Variants in KIAA1143 observed in about 807,000 individuals in gnomAD.
KIAA1143 encodes KIAA1143.
In KIAA1143, 8 loss-of-function variants were observed where a neutral mutation model predicts 17.0. The ratio of observed to expected loss-of-function variants is 0.47; its 90% CI spans 0.28 to 0.85. The LOEUF (loss-of-function observed/expected upper bound fraction) is 0.85, where lower values mean the gene tolerates loss of function less well. KIAA1143 is among the 40% of genes least tolerant of loss of function. KIAA1143 has a pLI of 0.12. For missense variants in KIAA1143, 162 were observed against 183.3 expected, an observed-to-expected ratio of 0.88 and a Z score of 0.67; for synonymous variants, 64 against 67.8, an observed-to-expected ratio of 0.94 and a Z score of 0.27.
intron 1 of KIAA1143, among the ~76,000 whole-genome samples, chr3:44,758,176 C>A (rs187294044): frequency 3.2e-4 from 49 of 152,282 alleles, no homozygotes; most frequent in African/African-American, 1.1e-3. Context: ...GAGTCCTAAT[C>A]TTTTTGCCAG....
intron 1 of KIAA1143, among the ~76,000 whole-genome samples, chr3:44,757,746 T>C (rs1018287713): frequency 2.6e-5 from 4 of 152,202 alleles, no homozygotes; most frequent in African/African-American, 9.7e-5. Context: ...GGAGAGATGG[T>C]AACTTGTGAA....
chr3:44,759,638 T>TTTTGAGAGGC (rs1470190440), intron 1 of KIAA1143, among the ~76,000 whole-genome samples: 1 of 152,022 alleles, frequency 6.6e-6, no homozygotes, highest in South Asian at 2.1e-4. Context: ...GCATAGTGGT[T>TTTTGAGAGGC]TTTGAGAGGC....
chr3:44,760,123 CAT>C (rs925642325), intron 1 of KIAA1143, among the ~76,000 whole-genome samples: 25 of 152,312 alleles, frequency 1.6e-4, no homozygotes, highest in African/African-American at 5.3e-4. Context: ...AGCTTTCTCA[CAT>C]GTCTCAGACT....
At chr3:44,760,298 G>A (rs919735050) in intron 1 of KIAA1143, among the ~76,000 whole-genome samples, 17 of 152,126 alleles carry the variant, frequency 1.1e-4, no homozygotes, top group Non-Finnish European at 2.2e-4. Context: ...TGATCCCTCC[G>A]GCCCTAGACA....
At chr3:44,760,146 TAA>T (rs1306254845) in intron 1 of KIAA1143, among the ~76,000 whole-genome samples, 1 of 152,212 alleles carries the variant, frequency 6.6e-6, no homozygotes, top group Non-Finnish European at 1.5e-5. Context: ...TCACAGGATT[TAA>T]GAGTTAGGGC....
intron 1 of KIAA1143, among the ~76,000 whole-genome samples, chr3:44,757,700 G>A (rs1005111927): frequency 4.6e-5 from 7 of 152,230 alleles, no homozygotes; most frequent in Non-Finnish European, 8.8e-5. Context: ...GAGAAAAACA[G>A]AAAGAGTAAC....
rs1330120094 is a variant in KIAA1143 at position 44,752,435 on chromosome 3, G to A, written c.*906C>T. 3 of 152,102 alleles carry A rather than the reference G, an allele frequency of 2.0e-5. No homozygotes were observed. The highest frequency in any genetic ancestry group is 4.4e-5 in the Non-Finnish European group (3 of 68,010). The allele number at this position is 152,102 out of a possible 1,614,324, so 9.4% of individuals were successfully genotyped here. A position where few individuals can be genotyped will look rare whatever the true frequency, so the allele number is the denominator to read the frequency against. ...ACCTGGACACCCTCCACCAGTAACA[G>A]TTTGACCAGTTATTTATTGTATTAC... On this transcript the variant is annotated 3_prime_UTR_variant, in exon 3 of 3. Coordinates refer to ENST00000296121, the MANE Select transcript of KIAA1143 (RefSeq NM_020696.4).
Position 44,753,462 on chromosome 3 carries a change from C to T in KIAA1143, c.344G>A (p.Ser115Asn), listed in dbSNP as rs1457289684. The change falls in exon 3 of 3, where the codon AGC (serine) becomes AAC (asparagine). Residue 115 changes from serine (S) to asparagine (N), a missense_variant. By Grantham distance (46) the Ser-to-Asn change is conservative. Around this residue, in one of 2 missense-constraint regions of KIAA1143, gnomAD observed 25 missense variants for 50.8 expected, o/e 0.49. Coordinates refer to ENST00000296121, the MANE Select transcript of KIAA1143 (RefSeq NM_020696.4). ...SDEKYSGLTA[S>N]SKKKKPNEDE... ...TTCATTTGGCTTCTTCTTTTTTGAG[C>T]TTGCTGTTAAACCTGAATATTTTTC... is the stretch of plus-strand genomic sequence containing the variant. 31 of 1,610,088 alleles carry T rather than the reference C, an allele frequency of 1.9e-5. No homozygotes were observed. Among genetic ancestry groups the T allele is most frequent in the Admixed American group, 3.3e-5 (2 of 59,938 alleles).
chr3:44,757,799 C>T (rs1490394761), intron 1 of KIAA1143, among the ~76,000 whole-genome samples: 1 of 152,108 alleles, frequency 6.6e-6, no homozygotes, highest in Non-Finnish European at 1.5e-5. Flanking sequence ...TTTGGAGATC[C>T]ATCTCTTCGT....
At chr3:44,756,456 G>T (rs1465734438) in intron 1 of KIAA1143, among the ~76,000 whole-genome samples, 2 of 152,170 alleles carry the variant, frequency 1.3e-5, no homozygotes, top group East Asian at 3.9e-4. Flanking sequence ...CCACCTACTT[G>T]GGTGGCTGAG....
intron 1 of KIAA1143, among the ~76,000 whole-genome samples, chr3:44,761,092 TG>T (rs1382410883): frequency 5.3e-5 from 8 of 152,164 alleles, no homozygotes; most frequent in African/African-American, 1.9e-4. Context: ...AGGACATGGT[TG>T]GGGCGGGGGT....
chr3:44,755,787 G>A (rs780016363), intron 1 of KIAA1143, among the ~76,000 whole-genome samples: 11 of 152,208 alleles, frequency 7.2e-5, no homozygotes, highest in African/African-American at 2.7e-4. Flanking sequence ...TTTCCACTGG[G>A]CAAGTGCCTT....
Position 44,758,733 on chromosome 3 carries a change from C to A in KIAA1143, c.108+2762G>T, listed in dbSNP as rs190486884. The stretch of plus-strand genomic sequence containing the variant: ...GTTAATGTTGATATTTTGCCCTCTT[C>A]CCATGAATCATGGATGTTCTTAACG... On this transcript the variant is annotated intron_variant, in intron 1 of 2. Coordinates refer to ENST00000296121, the MANE Select transcript of KIAA1143 (RefSeq NM_020696.4). 4.8e-3 allele frequency among the ~76,000 whole-genome samples: 726 copies of A among 152,276 alleles called. 4 individuals are homozygous for A. Among genetic ancestry groups the A allele is most frequent in the African/African-American group, 0.017 (690 of 41,544 alleles).
chr3:44,754,085 C>A, intron 2 of KIAA1143, 139 bp downstream of exon 2: 1 of 737,892 alleles, frequency 1.4e-6, no homozygotes, highest in Non-Finnish European at 2.2e-6. Flanking sequence ...CTCAAGGTTA[C>A]ACATCTGGTA....
At position 44,749,976 on chromosome 3, in the gene KIAA1143, TA is replaced by T. The variant is rs1704873321; in HGVS notation, c.*3364del. The T allele has an allele frequency of 6.6e-6, 1 of 152,044 alleles. No homozygotes were observed. The highest frequency in any genetic ancestry group is 6.6e-5 in the Admixed American group (1 of 15,246). The allele number at this position is 152,044 out of a possible 1,614,324, so 9.4% of individuals were successfully genotyped here. On this transcript the variant is annotated 3_prime_UTR_variant, in exon 3 of 3. Transcript: ENST00000296121. Reference sequence around the variant, plus strand: ...GGCTATTTTTTATTTTTTGTAGAGATAGGGGTATTGCTTTGTCGCCCAGGCT... The same window carrying T: ...GGCTATTTTTTATTTTTTGTAGAGATGGGGTATTGCTTTGTCGCCCAGGCT...
chr3:44,753,316 T>G lies in KIAA1143; in HGVS notation c.*25A>C. 12 of 1,541,880 alleles carry G rather than the reference T, an allele frequency of 7.8e-6. No homozygotes were observed. Among genetic ancestry groups the G allele is most frequent in the Non-Finnish European group, 1.1e-5 (12 of 1,116,946 alleles). ...ATGAACACTCCATATACTTTCAAAG[T>G]AGACTAAATTCAAAATATTTACACT... On this transcript the variant is annotated 3_prime_UTR_variant, in exon 3 of 3. Coordinates refer to ENST00000296121, the MANE Select transcript of KIAA1143 (RefSeq NM_020696.4).
rs1178549550 is a variant in KIAA1143, at chr3:44,759,302, G to C, written c.108+2193C>G. 4.0e-5 allele frequency among the ~76,000 whole-genome samples: 6 copies of C among 151,644 alleles called. No individual in the cohort carries two copies. The East Asian group carries it at 1.2e-3, about 29-fold the overall frequency. ...TCCATCAGAGTTCTTGGGTGACCAAGTGTATTGTCCATGAGCAATAATATA... is the reference window on the plus strand; with the variant it reads ...TCCATCAGAGTTCTTGGGTGACCAACTGTATTGTCCATGAGCAATAATATA... On this transcript the variant is annotated intron_variant, in intron 1 of 2. Transcript: ENST00000296121.
At chr3:44,754,098 T>C (rs949263526) in intron 2 of KIAA1143, 126 bp downstream of exon 2, 2 of 843,334 alleles carry the variant, frequency 2.4e-6, no homozygotes, top group African/African-American at 3.4e-5. Flanking sequence ...ATCTGGTAAG[T>C]GTCAAAGCTA....
In KIAA1143 at chr3:44,748,809, G is replaced by A. The variant is rs1417397552; in HGVS notation, c.*4532C>T. On this transcript the variant is annotated 3_prime_UTR_variant, in exon 3 of 3. Transcript: ENST00000296121. ...TACTCTTCTGATATTTGAGAATACA[G>A]TGGTGAATAACACAAACTCCATGCT... is the stretch of plus-strand genomic sequence containing the variant. The A allele has an allele frequency of 6.6e-6, 1 of 152,166 alleles. No individual in the cohort carries two copies. Among genetic ancestry groups the A allele is most frequent in the Non-Finnish European group, 1.5e-5 (1 of 68,032 alleles). The allele number at this position is 152,166 out of a possible 1,614,324, so 9.4% of individuals were successfully genotyped here. A position where few individuals can be genotyped will look rare whatever the true frequency, so the allele number is the denominator to read the frequency against.
Sources: allele counts gnomAD v4.1 joint callset (sites outside exome capture counted in the v4.1 genomes callset), GRCh38; gene constraint gnomAD v4.1.1; regional missense constraint gnomAD v4.1.1; transcripts MANE v1.5; gene names NCBI Gene and HGNC (gene_info 2026-07-23, HGNC 2026-07-21).